The following ENTREP1 variants were observed in gnomAD, a reference collection of about 807,000 sequenced individuals.
ENTREP1 encodes Friedreich ataxia region gene X123.
chr9:69,325,208 C>T, the ENTREP1 span: 1 of 1,031,000 alleles, frequency 9.7e-7, no homozygotes, highest in Non-Finnish European at 1.2e-6. Flanking sequence ...CCTCGGAGCC[C>T]GTCTGCAGTG....
At chr9:69,348,662 C>A in the ENTREP1 span, among the ~76,000 whole-genome samples, 1 of 152,148 alleles carries the variant, frequency 6.6e-6, no homozygotes, top group Admixed American at 6.5e-5. Context: ...CATAGATTTG[C>A]CCATTCTGGA....
chr9:69,338,208 G>A, the ENTREP1 span, among the ~76,000 whole-genome samples: 4 of 151,840 alleles, frequency 2.6e-5, no homozygotes, highest in Non-Finnish European at 5.9e-5. Flanking sequence ...TGGATGAGTT[G>A]TATAGCCTGT....
At chr9:69,383,635 T>G in the ENTREP1 span, 1 of 1,614,056 alleles carries the variant, frequency 6.2e-7, no homozygotes, top group Non-Finnish European at 8.5e-7. Flanking sequence ...CCTAGGATGG[T>G]TGGTCCTGAT....
chr9:69,339,006 C>A, the ENTREP1 span, among the ~76,000 whole-genome samples: 2 of 152,198 alleles, frequency 1.3e-5, no homozygotes, highest in Admixed American at 1.3e-4. Flanking sequence ...AATGAGAAAT[C>A]CGCAGTTCAT....
At chr9:69,350,650 C>T in the ENTREP1 span, among the ~76,000 whole-genome samples, 1 of 152,062 alleles carries the variant, frequency 6.6e-6, no homozygotes, top group African/African-American at 2.4e-5. Context: ...TAATAATTTT[C>T]AGAAAGAATT....
chr9:69,371,182 TAA>T, the ENTREP1 span: 1 of 339,794 alleles, frequency 2.9e-6, no homozygotes, highest in Middle Eastern at 9.7e-4. Context: ...GGAAAAAAAA[TAA>T]GAGTGGCTCA....
chr9:69,376,128 A>T, the ENTREP1 span, among the ~76,000 whole-genome samples: 1 of 152,224 alleles, frequency 6.6e-6, no homozygotes, highest in Non-Finnish European at 1.5e-5. Context: ...ATATATATGT[A>T]TATGTATACA....
At chr9:69,355,302 G>T in the ENTREP1 span, among the ~76,000 whole-genome samples, 1 of 152,130 alleles carries the variant, frequency 6.6e-6, no homozygotes, top group Non-Finnish European at 1.5e-5. Flanking sequence ...CATTTTTTGA[G>T]CACCTGCTTT....
chr9:69,355,861 G>T, the ENTREP1 span, among the ~76,000 whole-genome samples: 1 of 152,190 alleles, frequency 6.6e-6, no homozygotes, highest in African/African-American at 2.4e-5. Flanking sequence ...GTAACATGGT[G>T]GCTGGTTTCT....
the ENTREP1 span, among the ~76,000 whole-genome samples, chr9:69,384,778 G>A: frequency 6.6e-6 from 1 of 152,198 alleles, no homozygotes; most frequent in African/African-American, 2.4e-5. Flanking sequence ...AATTTTAGAT[G>A]AAGGTAATTT....
At chr9:69,332,506 AT>A in the ENTREP1 span, among the ~76,000 whole-genome samples, 1 of 152,092 alleles carries the variant, frequency 6.6e-6, no homozygotes, top group African/African-American at 2.4e-5. Flanking sequence ...TAAACTTTGT[AT>A]TTCTCCCCAG....
At chr9:69,354,146 TTTA>T in the ENTREP1 span, among the ~76,000 whole-genome samples, 1 of 152,150 alleles carries the variant, frequency 6.6e-6, no homozygotes, top group African/African-American at 2.4e-5. Context: ...ACGTATTTTT[TTTA>T]TAATTGGTTT....
At chr9:69,388,463 T>C in the ENTREP1 span, 4 of 1,568,606 alleles carry the variant, frequency 2.6e-6, no homozygotes, top group Admixed American at 7.5e-5. Flanking sequence ...AGTTTTATTA[T>C]TAATCTCAGG....
the ENTREP1 span, among the ~76,000 whole-genome samples, chr9:69,374,535 AAG>A: frequency 6.6e-6 from 1 of 152,150 alleles, no homozygotes; most frequent in South Asian, 2.1e-4. Flanking sequence ...TCCACCAGCA[AAG>A]AGAGTTTCTC....
At chr9:69,345,752 G>A in the ENTREP1 span, among the ~76,000 whole-genome samples, 5 of 152,196 alleles carry the variant, frequency 3.3e-5, no homozygotes, top group South Asian at 2.1e-4. Context: ...ACAGGCATGC[G>A]CCACCATACG....
At chr9:69,348,965 C>A in the ENTREP1 span, among the ~76,000 whole-genome samples, 1 of 151,902 alleles carries the variant, frequency 6.6e-6, no homozygotes, top group Non-Finnish European at 1.5e-5. Context: ...GGGTGGATCA[C>A]CTGAGGTCAG....
At chr9:69,347,273 G>A in the ENTREP1 span, among the ~76,000 whole-genome samples, 1 of 152,228 alleles carries the variant, frequency 6.6e-6, no homozygotes, top group Non-Finnish European at 1.5e-5. Flanking sequence ...CTCAGCAGTA[G>A]GTATCTCTGA....
the ENTREP1 span, among the ~76,000 whole-genome samples, chr9:69,332,141 C>T: frequency 6.6e-6 from 1 of 152,188 alleles, no homozygotes; most frequent in Non-Finnish European, 1.5e-5. Flanking sequence ...TCTAACCATC[C>T]AGGCCTACTT....
the ENTREP1 span, among the ~76,000 whole-genome samples, chr9:69,391,105 C>T: frequency 6.6e-6 from 1 of 152,136 alleles, no homozygotes; most frequent in African/African-American, 2.4e-5. Context: ...TTTATAAACC[C>T]ATCACCTGGT....
Sources: allele counts gnomAD v4.1 joint callset (sites outside exome capture counted in the v4.1 genomes callset), GRCh38; gene constraint gnomAD v4.1.1; transcripts MANE v1.5; gene names NCBI Gene and HGNC (gene_info 2026-07-23, HGNC 2026-07-21).